SLC45A4: variants seen among roughly 807,000 people sequenced by gnomAD.
The protein encoded by SLC45A4 is polyamine-transporter SLC45A4.
SLC45A4 carries 32 observed loss-of-function variants against 63.7 expected under a neutral mutation model. That is an observed-to-expected ratio of 0.50 (90% CI 0.38 to 0.67). SLC45A4 has a LOEUF of 0.67. SLC45A4 is among the 30% of genes least tolerant of loss of function. The pLI is 0.00. For synonymous variants in SLC45A4, 535 were observed against 510.0 expected (o/e 1.05, Z -0.66); for missense variants, 1,027 against 1,157.7 (o/e 0.89, Z 1.64).
At chr8:141,307,401 G>A (rs1295249079) in intron 1 of SLC45A4, among the ~76,000 whole-genome samples, 1 of 152,192 alleles carries the variant, frequency 6.6e-6, no homozygotes. Context: ...ACAAGGGAGC[G>A]CAGTGCCGAT....
chr8:141,282,174 G>A (rs1291583363), intron 1 of SLC45A4, among the ~76,000 whole-genome samples: 2 of 152,290 alleles, frequency 1.3e-5, no homozygotes, highest in African/African-American at 4.8e-5. Context: ...AGGAGCATCC[G>A]AGCTGATCCT....
chr8:141,243,068 T>C (rs1266181971), intron 2 of SLC45A4, among the ~76,000 whole-genome samples: 3 of 152,238 alleles, frequency 2.0e-5, no homozygotes, highest in African/African-American at 4.8e-5. Flanking sequence ...GTATTACTCC[T>C]GCTCCGGGGT....
At chr8:141,301,052 T>G (rs1362501454) in intron 1 of SLC45A4, among the ~76,000 whole-genome samples, 1 of 152,110 alleles carries the variant, frequency 6.6e-6, no homozygotes, top group East Asian at 1.9e-4. Context: ...AACGCCTGCC[T>G]AAAACTGGAC....
intron 1 of SLC45A4, among the ~76,000 whole-genome samples, chr8:141,288,265 C>T (rs1415595938): frequency 6.6e-6 from 1 of 152,226 alleles, no homozygotes; most frequent in African/African-American, 2.4e-5. Flanking sequence ...CATTCAAAAC[C>T]TGCAGAAGGC....
In SLC45A4 at chr8:141,218,381, C is replaced by A. The variant is rs766781426; in HGVS notation, c.1259G>T (p.Arg420Leu). The change falls in exon 5 of 9, where the codon CGC (arginine) becomes CTC (leucine). Residue 420 changes from arginine (R) to leucine (L), a missense_variant. Transcript: ENST00000517878. The part of the protein sequence containing the change: ...SSMRRRRHAF[R>L]RQASSTFSYY... Reference sequence around the variant, plus strand: ...GGAGAAGGTGCTGGAGGCCTGCCTGCGGAACGCGTGCCGCCGCCGCCGCAT... The same window carrying A: ...GGAGAAGGTGCTGGAGGCCTGCCTGAGGAACGCGTGCCGCCGCCGCCGCAT... 3 of 1,608,266 alleles carry A rather than the reference C, an allele frequency of 1.9e-6. No individual in the cohort carries two copies. Among genetic ancestry groups the A allele is most frequent in the East Asian group, 2.2e-5 (1 of 44,858 alleles).
chr8:141,244,441 G>C (rs1828069452), intron 2 of SLC45A4, among the ~76,000 whole-genome samples: 1 of 152,178 alleles, frequency 6.6e-6, no homozygotes, highest in Non-Finnish European at 1.5e-5. Context: ...GCAAGTCTTT[G>C]TTCCACACTG....
intron 2 of SLC45A4, among the ~76,000 whole-genome samples, chr8:141,241,006 C>T (rs966290624): frequency 1.3e-5 from 2 of 152,242 alleles, no homozygotes; most frequent in Non-Finnish European, 2.9e-5. Flanking sequence ...CACTTCACAC[C>T]CTCCCGCTCT....
chr8:141,217,589 G>A (rs1826238934), intron 5 of SLC45A4, among the ~76,000 whole-genome samples: 1 of 152,222 alleles, frequency 6.6e-6, no homozygotes, highest in Non-Finnish European at 1.5e-5. Context: ...GTGTGCTGAG[G>A]GCACCTTGGT....
chr8:141,295,220 G>T (rs1040868967), intron 1 of SLC45A4, among the ~76,000 whole-genome samples: 3 of 152,210 alleles, frequency 2.0e-5, no homozygotes, highest in Non-Finnish European at 4.4e-5. Flanking sequence ...AAAGCAGGAG[G>T]GAAGCTGGGA....
chr8:141,217,292 A>G (rs1826216984), intron 5 of SLC45A4, 103 bp from the exon 6 acceptor site: 7 of 1,232,014 alleles, frequency 5.7e-6, no homozygotes, highest in Non-Finnish European at 8.0e-6. Context: ...TCATTCTAAG[A>G]GCGGTGACAG....
chr8:141,257,950 G>A (rs1435035730), intron 1 of SLC45A4, among the ~76,000 whole-genome samples: 6 of 151,752 alleles, frequency 4.0e-5, no homozygotes, highest in South Asian at 4.2e-4. Context: ...CGAGTCCACC[G>A]ACAAGACCAG....
At chr8:141,302,744 T>G (rs1284374277) in intron 1 of SLC45A4, among the ~76,000 whole-genome samples, 1 of 152,210 alleles carries the variant, frequency 6.6e-6, no homozygotes, top group Non-Finnish European at 1.5e-5. Flanking sequence ...AAAAGCTGCC[T>G]CTACGATACT....
chr8:141,290,137 G>A (rs4961262), intron 1 of SLC45A4, among the ~76,000 whole-genome samples: 144,339 of 152,224 alleles, frequency 0.95, 68,905 homozygotes, highest in Middle Eastern at 1. Context: ...ATACACGTAT[G>A]TATGTATATA....
Position 141,254,142 on chromosome 8 carries a change from CTCCGGCTTTCTGCGGG to C in SLC45A4, c.72_87del (p.Asp24GlufsTer16). 1 of 1,536,182 alleles carries C rather than the reference CTCCGGCTTTCTGCGGG, an allele frequency of 6.5e-7. No homozygotes were observed. The highest frequency in any genetic ancestry group is 8.7e-7 in the Non-Finnish European group (1 of 1,146,916). On this transcript the variant is annotated frameshift_variant, in exon 2 of 9. Coordinates refer to ENST00000517878, the MANE Select transcript of SLC45A4 (RefSeq NM_001286646.2). LOFTEE classifies it high-confidence loss of function. The surrounding 1 kb of genome is among the most constrained non-coding windows in gnomAD (Gnocchi z 4.5). Reference sequence around the variant, plus strand: ...GTCTCGCAGTTCTCGGCCTCTGCGCCTCCGGCTTTCTGCGGGTCCGGCAGGGGCACGGATAACTCTT... The same window carrying C: ...GTCTCGCAGTTCTCGGCCTCTGCGCCTCCGGCAGGGGCACGGATAACTCTT...
At chr8:141,212,102 C>A in intron 8 of SLC45A4, 95 bp downstream of exon 8, 5 of 1,433,302 alleles carry the variant, frequency 3.5e-6, no homozygotes, top group Admixed American at 2.9e-5. Context: ...CAGGGTTCCG[C>A]GGTGTCTCTG....
In SLC45A4 at chr8:141,238,284, G is replaced by A. The variant is rs7013669; in HGVS notation, c.241+15705C>T. Among the ~76,000 whole-genome samples, 1,051 of 152,272 alleles carry A rather than the reference G, an allele frequency of 6.9e-3. 12 individuals are homozygous for A. Among genetic ancestry groups the A allele is most frequent in the African/African-American group, 0.024 (994 of 41,544 alleles). ...ATCCAATTTTTAGCTTTGTAAAGTC[G>A]CCCCTTTTTTTTTCACATTTTTATT... On this transcript the variant is annotated intron_variant, in intron 2 of 8. Coordinates refer to ENST00000517878, the MANE Select transcript of SLC45A4 (RefSeq NM_001286646.2).
chr8:141,238,347 A>G (rs1180166856), intron 2 of SLC45A4, among the ~76,000 whole-genome samples: 1 of 152,002 alleles, frequency 6.6e-6, no homozygotes, highest in Non-Finnish European at 1.5e-5. Context: ...GACCTTTTTA[A>G]TCCCTGTGAG....
intron 1 of SLC45A4, among the ~76,000 whole-genome samples, chr8:141,287,597 T>G (rs1830196299): frequency 6.6e-6 from 1 of 152,204 alleles, no homozygotes; most frequent in African/African-American, 2.4e-5. Context: ...AACACTAGCA[T>G]GTATTTAGCT....
At chr8:141,250,891 A>C (rs1488096173) in intron 2 of SLC45A4, among the ~76,000 whole-genome samples, 2 of 152,224 alleles carry the variant, frequency 1.3e-5, no homozygotes, top group Non-Finnish European at 2.9e-5. Flanking sequence ...ATCAAAACAA[A>C]ACAATGAAAC....
Sources: gnomAD v4.1 joint callset for allele counts (sites outside exome capture counted in the v4.1 genomes callset) on GRCh38, gnomAD v4.1.1 for gene constraint, Gnocchi (gnomAD v3.1) non-coding constraint, MANE v1.5 for transcripts, NCBI Gene and HGNC (gene_info 2026-07-23, HGNC 2026-07-21) for gene names.